The following ATP9B variants were observed in gnomAD, a reference collection of about 807,000 sequenced individuals.
ATP9B encodes the protein ATPase phospholipid transporting 9B, also known as probable phospholipid-transporting ATPase IIB.
In ATP9B, 110 loss-of-function variants were observed where a neutral mutation model predicts 146.1. That is an observed-to-expected ratio of 0.75 (90% CI 0.65 to 0.88). The LOEUF (loss-of-function observed/expected upper bound fraction) is 0.88. ATP9B is among the 40% of genes least tolerant of loss of function. The pLI is 0.00. For synonymous variants in ATP9B, 604 were observed against 569.7 expected (o/e 1.06, Z -0.86); for missense variants, 1,499 against 1,496.4 (o/e 1.00, Z -0.03).
chr18:79,153,134 T>TTGAC (rs1568286660), intron 6 of ATP9B, among the ~76,000 whole-genome samples: 2 of 152,228 alleles, frequency 1.3e-5, no homozygotes, highest in Non-Finnish European at 2.9e-5. Flanking sequence ...ATGTTACCTG[T>TTGAC]TGACTGACAA....
chr18:79,307,056 A>G lies in ATP9B; in HGVS notation c.1595A>G (p.Lys532Arg), dbSNP rs1440774341. 1 of 1,614,212 alleles carries G rather than the reference A, an allele frequency of 6.2e-7. No homozygotes were observed. Among genetic ancestry groups the G allele is most frequent in the South Asian group, 1.1e-5 (1 of 91,082 alleles). ...PLRKAQSSAPKVRKSVSSRIH... is the reference protein window; with the variant it reads ...PLRKAQSSAPRVRKSVSSRIH... ...AGAAAAGCCCAATCTTCAGCTCCCA[A>G]AGTTAGGAAAAGTGTCAGTAGTCGA... Residue 532 changes from lysine (K) to arginine (R), a missense_variant, in exon 15 of 30, where the codon AAA becomes AGA. Physicochemically the swap from Lys to Arg is conservative, Grantham distance 26. Coordinates refer to ENST00000426216, the MANE Select transcript of ATP9B (RefSeq NM_198531.5).
At chr18:79,123,389 G>GA (rs1001314467) in intron 4 of ATP9B, among the ~76,000 whole-genome samples, 39 of 151,186 alleles carry the variant, frequency 2.6e-4, no homozygotes, top group Middle Eastern at 6.8e-3. Flanking sequence ...AAAGAATTTT[G>GA]AAAAAAAAGA....
chr18:79,366,935 G>T (rs1448995361), intron 26 of ATP9B, among the ~76,000 whole-genome samples: 1 of 152,254 alleles, frequency 6.6e-6, no homozygotes, highest in Non-Finnish European at 1.5e-5. Flanking sequence ...CCACGGGCTA[G>T]CACTGAACAC....
chr18:79,374,720 T>C, intron 28 of ATP9B, among the ~76,000 whole-genome samples: 1 of 152,274 alleles, frequency 6.6e-6, no homozygotes, highest in East Asian at 1.9e-4. Context: ...AATGTTCCTG[T>C]TCTTACATAA....
intron 5 of ATP9B, among the ~76,000 whole-genome samples, chr18:79,135,728 A>G (rs1030670241): frequency 3.3e-5 from 5 of 152,042 alleles, no homozygotes; most frequent in African/African-American, 1.2e-4. Context: ...GGTTTTACAA[A>G]TGTTTCTTTC....
At chr18:79,340,891 C>G (rs2096854620) in intron 19 of ATP9B, among the ~76,000 whole-genome samples, 1 of 152,192 alleles carries the variant, frequency 6.6e-6, no homozygotes, top group South Asian at 2.1e-4. Context: ...CTTCATGAGC[C>G]TCCCAGCCTG....
intron 15 of ATP9B, among the ~76,000 whole-genome samples, chr18:79,317,608 A>G (rs2146807208): frequency 6.6e-6 from 1 of 152,344 alleles, no homozygotes; most frequent in East Asian, 1.9e-4. Context: ...AATAGCCAAA[A>G]GTCAAGAGGC....
chr18:79,276,567 T>C (rs1490333102), intron 12 of ATP9B, among the ~76,000 whole-genome samples: 1 of 152,210 alleles, frequency 6.6e-6, no homozygotes, highest in Non-Finnish European at 1.5e-5. Context: ...CCCCGCCTGC[T>C]CCATGTGTGT....
At chr18:79,339,548 C>A (rs979939094) in intron 19 of ATP9B, among the ~76,000 whole-genome samples, 11 of 150,484 alleles carry the variant, frequency 7.3e-5, no homozygotes, top group African/African-American at 2.0e-4. Flanking sequence ...TATCTGAGAT[C>A]GCAGTAGGAA....
intron 2 of ATP9B, among the ~76,000 whole-genome samples, chr18:79,104,729 T>G (rs2075537475): frequency 6.6e-6 from 1 of 152,122 alleles, no homozygotes. Context: ...TATCCTAGAT[T>G]TGTCTAGGAA....
chr18:79,106,981 A>G (rs900239236), intron 2 of ATP9B, among the ~76,000 whole-genome samples: 4 of 152,200 alleles, frequency 2.6e-5, no homozygotes, highest in East Asian at 1.9e-4. Context: ...TAAATTTTAT[A>G]TGTATCTTTT....
intron 13 of ATP9B, among the ~76,000 whole-genome samples, chr18:79,280,773 A>C (rs1442478300): frequency 1.3e-5 from 2 of 151,654 alleles, no homozygotes; most frequent in African/African-American, 4.8e-5. Context: ...TAAAGAGTGG[A>C]TATTTCTGAT....
chr18:79,071,502 C>T (rs989613130), intron 1 of ATP9B, among the ~76,000 whole-genome samples: 9 of 146,190 alleles, frequency 6.2e-5, no homozygotes, highest in African/African-American at 2.3e-4. Context: ...CCAGGCAATC[C>T]ACCCATGTAG....
In ATP9B at chr18:79,102,886, C is replaced by G. The variant is rs185456131; in HGVS notation, c.293+6237C>G. Among the ~76,000 whole-genome samples, 168 of 152,300 alleles carry G rather than the reference C, an allele frequency of 1.1e-3. 1 individual carries two copies. The highest frequency in any genetic ancestry group is 3.4e-3 in the Middle Eastern group (1 of 294). On this transcript the variant is annotated intron_variant, in intron 2 of 29. Transcript: ENST00000426216. Reference sequence around the variant, plus strand: ...TAAGTGTTTAACTTTTTGGAGTGATCGTAAATGGTTTGGTATTTTAAATTT... The same window carrying G: ...TAAGTGTTTAACTTTTTGGAGTGATGGTAAATGGTTTGGTATTTTAAATTT...
Position 79,295,221 on chromosome 18 carries a change from T to C in ATP9B, c.1412-8383T>C, listed in dbSNP as rs116674398. On this transcript the variant is annotated intron_variant, in intron 13 of 29. Coordinates refer to ENST00000426216, the MANE Select transcript of ATP9B (RefSeq NM_198531.5). The stretch of plus-strand genomic sequence containing the variant: ...TTACCAGGAAAGTGGAAATTTTGAC[T>C]ATTAGACACCCAAAATCAACATTTC... 9.0e-3 allele frequency among the ~76,000 whole-genome samples: 1,372 copies of C among 152,272 alleles called. 8 individuals are homozygous for C. The highest frequency in any genetic ancestry group is 0.023 in the African/African-American group (969 of 41,552).
chr18:79,350,608 G>A (rs2096917368), intron 25 of ATP9B, among the ~76,000 whole-genome samples: 1 of 152,172 alleles, frequency 6.6e-6, no homozygotes, highest in Non-Finnish European at 1.5e-5. Context: ...TGGAAATGGT[G>A]GTAGGATTTG....
At chr18:79,092,271 C>T (rs1018900035) in intron 1 of ATP9B, among the ~76,000 whole-genome samples, 1 of 152,194 alleles carries the variant, frequency 6.6e-6, no homozygotes, top group Non-Finnish European at 1.5e-5. Context: ...GACTACTGCA[C>T]ATCTAGCCTA....
rs151260775 is a variant in ATP9B at position 79,176,648 on chromosome 18, T to C, written c.779-165T>C. 2.7e-4 allele frequency among the ~76,000 whole-genome samples: 41 copies of C among 152,336 alleles called. 1 individual carries two copies. In the East Asian group the frequency reaches 7.7e-3, roughly 29 times the overall value. ...AACCTGTTTTGTGAATCAAGGAACA[T>C]TGTGTAAAATAAAAGTTTTTAAGGA... On this transcript the variant is annotated intron_variant, in intron 7 of 29. Transcript: ENST00000426216.
intron 9 of ATP9B, 135 bp downstream of exon 9, chr18:79,193,398 T>G: frequency 5.6e-6 from 4 of 719,194 alleles, no homozygotes; most frequent in Non-Finnish European, 6.8e-6. Flanking sequence ...CTATATAATG[T>G]TTGAAGTTCT....
Sources: gnomAD v4.1 joint callset for allele counts (sites outside exome capture counted in the v4.1 genomes callset) on GRCh38, gnomAD v4.1.1 for gene constraint, MANE v1.5 for transcripts, NCBI Gene and HGNC (gene_info 2026-07-23, HGNC 2026-07-21) for gene names.